The following MMP28 variants were observed in gnomAD, a reference collection of about 807,000 sequenced individuals.
MMP28 encodes the protein matrix metalloproteinase-28.
MMP28 carries 55 observed loss-of-function variants against 60.5 expected under a neutral mutation model. The ratio of observed to expected loss-of-function variants is 0.91; its 90% CI spans 0.73 to 1.14. The LOEUF is 1.14. MMP28 is among the 50% of genes most tolerant of loss of function. The pLI is 0.00. For synonymous variants in MMP28, 318 were observed against 312.5 expected (o/e 1.02, Z -0.18); for missense variants, 686 against 738.3 (o/e 0.93, Z 0.82).
intron 1 of MMP28, among the ~76,000 whole-genome samples, chr17:35,785,592 C>T (rs1255395913): frequency 3.9e-5 from 6 of 152,034 alleles, no homozygotes; most frequent in Admixed American, 1.3e-4. Context: ...GGACTACAGG[C>T]GCCCACCACC....
At chr17:35,783,906 A>G (rs2047880055) in intron 1 of MMP28, among the ~76,000 whole-genome samples, 2 of 152,184 alleles carry the variant, frequency 1.3e-5, no homozygotes, top group Admixed American at 1.3e-4. Flanking sequence ...CAGAATGAGC[A>G]TGTGCCCGGG....
rs899682785 is a variant in MMP28, at chr17:35,770,089, C to A, written c.828G>T (p.Val276=). 37 of 1,592,348 alleles carry A rather than the reference C, an allele frequency of 2.3e-5. No individual in the cohort carries two copies. The highest frequency in any genetic ancestry group is 3.2e-5 in the Non-Finnish European group (37 of 1,170,222). The part of the protein sequence containing the change: ...GRDALLSWDD[V]LAVQSLYGKP... The stretch of plus-strand genomic sequence containing the variant: ...CACCATACAGGCTCTGCACGGCCAG[C>A]ACGTCGTCCCAGCTGAGCAGCGCGT... The change falls in exon 5 of 8, where the codon GTG becomes GTT. Residue 276 remains valine (V), a synonymous_variant. Transcript: ENST00000605424.
chr17:35,781,981 C>T (rs2086516831), intron 1 of MMP28, among the ~76,000 whole-genome samples: 1 of 151,984 alleles, frequency 6.6e-6, no homozygotes, highest in Admixed American at 6.6e-5. Context: ...AGGTGACCCT[C>T]CTATAGCCTC....
intron 6 of MMP28, 57 bp downstream of exon 6, chr17:35,768,173 G>A: frequency 2.0e-6 from 3 of 1,531,710 alleles, no homozygotes; most frequent in Non-Finnish European, 2.6e-6. Context: ...CAGCTCTGGA[G>A]ACACTAAGAG....
rs1216326392 is a variant in MMP28, at chr17:35,771,720, TATATATATATATATA to T, written c.605-1423_605-1409del. ...GAATATATATATATATATATATATATATATATATATATATATATATATATATATATATATAAAATT... is the reference window on the plus strand; with the variant it reads ...GAATATATATATATATATATATATATTATATATATATATATATATAAAATT... On this transcript the variant is annotated intron_variant, in intron 4 of 7. Coordinates refer to ENST00000605424, the MANE Select transcript of MMP28 (RefSeq NM_024302.5). Among the ~76,000 whole-genome samples, 2 of 51,592 alleles carry T rather than the reference TATATATATATATATA, an allele frequency of 3.9e-5. 1 individual carries two copies. The highest frequency in any genetic ancestry group is 8.3e-5 in the Non-Finnish European group (2 of 24,122). The allele number at this position is 51,592 out of a possible 152,430, so 33.8% of individuals were successfully genotyped here.
intron 1 of MMP28, among the ~76,000 whole-genome samples, chr17:35,793,773 G>A (rs552132527): frequency 6.6e-6 from 1 of 152,286 alleles, no homozygotes; most frequent in South Asian, 2.1e-4. Flanking sequence ...AGAGTCTCAG[G>A]GCAGAGCATT....
chr17:35,764,638 T>G (rs782271390), downstream of MMP28: 1 of 1,552,718 alleles, frequency 6.4e-7, no homozygotes, highest in South Asian at 1.2e-5. Flanking sequence ...CTCCCAGCCT[T>G]TGTGCCCTCC....
At position 35,773,354 on chromosome 17, in the gene MMP28, C is replaced by A. The variant is rs771193067; in HGVS notation, c.430G>T (p.Glu144Ter). 5.6e-6 allele frequency: 9 copies of A among 1,611,544 alleles called. No homozygotes were observed. The Admixed American group carries it at 1.2e-4, about 21-fold the overall frequency. Residue 144 changes from glutamate (E) to a stop codon, truncating the protein, a stop_gained, in exon 4 of 8, where the codon GAG becomes TAG. Coordinates refer to ENST00000605424, the MANE Select transcript of MMP28 (RefSeq NM_024302.5). LOFTEE classifies it high-confidence loss of function. ...HLSYRLVNWP[E>*]HLPEPAVRGA... ...CGAACTGCCGGCTCCGGCAGATGCT[C>A]AGGCCAGTTCACCAGGCGGTAGGAG...
chr17:35,761,078 C>T, downstream of MMP28: 1 of 1,073,004 alleles, frequency 9.3e-7, no homozygotes, highest in Non-Finnish European at 1.3e-6. Flanking sequence ...AGCTGCAAGC[C>T]CTCTCCTTTC....
chr17:35,762,846 C>T (rs2085848054), downstream of MMP28, among the ~76,000 whole-genome samples: 1 of 152,010 alleles, frequency 6.6e-6, no homozygotes, highest in Non-Finnish European at 1.5e-5. Context: ...GGATCAGTGG[C>T]CAGGCGCGGT....
intron 1 of MMP28, among the ~76,000 whole-genome samples, chr17:35,792,249 G>A (rs1409081816): frequency 1.3e-5 from 2 of 152,084 alleles, no homozygotes; most frequent in African/African-American, 2.4e-5. Flanking sequence ...CTAGCCAATG[G>A]AGTGCAGTAG....
At chr17:35,794,203 T>C (rs1224291823) in intron 1 of MMP28, among the ~76,000 whole-genome samples, 1 of 151,944 alleles carries the variant, frequency 6.6e-6, no homozygotes, top group East Asian at 1.9e-4. Flanking sequence ...ACATGCTTCT[T>C]TGGGGGAGGA....
At chr17:35,784,682 G>C (rs556097014) in intron 1 of MMP28, among the ~76,000 whole-genome samples, 120 of 152,282 alleles carry the variant, frequency 7.9e-4, no homozygotes, top group Non-Finnish European at 1.3e-3. Flanking sequence ...GGGAGGTGGA[G>C]CTCCAGTTCT....
At chr17:35,768,580 G>A (rs2086019155) in intron 5 of MMP28, among the ~76,000 whole-genome samples, 1 of 152,184 alleles carries the variant, frequency 6.6e-6, no homozygotes, top group African/African-American at 2.4e-5. Context: ...GGGAGACCGA[G>A]GCAGGCAGTT....
chr17:35,776,541 C>G (rs142678374), intron 3 of MMP28, among the ~76,000 whole-genome samples: 2 of 152,286 alleles, frequency 1.3e-5, no homozygotes, highest in East Asian at 3.9e-4. Context: ...TCAAATTTAA[C>G]TGGGCATCCT....
chr17:35,783,072 C>T (rs1305582997), intron 1 of MMP28, among the ~76,000 whole-genome samples: 6 of 152,078 alleles, frequency 3.9e-5, no homozygotes, highest in African/African-American at 7.2e-5. Context: ...GTGATCCCCC[C>T]GCCTCAGCCT....
chr17:35,787,653 C>T (rs2086690627), intron 1 of MMP28, among the ~76,000 whole-genome samples: 1 of 152,070 alleles, frequency 6.6e-6, no homozygotes, highest in African/African-American at 2.4e-5. Context: ...CCATGCCCGG[C>T]TAATTTCGTA....
intron 1 of MMP28, among the ~76,000 whole-genome samples, chr17:35,788,680 C>T (rs568601006): frequency 6.6e-6 from 1 of 152,154 alleles, no homozygotes; most frequent in Admixed American, 6.5e-5. Flanking sequence ...CACAGAAGCT[C>T]CAGTGTCTCC....
intron 5 of MMP28, among the ~76,000 whole-genome samples, chr17:35,769,353 C>T (rs2086047467): frequency 6.6e-6 from 1 of 152,224 alleles, no homozygotes; most frequent in Non-Finnish European, 1.5e-5. Flanking sequence ...ACAGCCCTGT[C>T]AGGTAAGCAG....
Sources: allele counts gnomAD v4.1 joint callset (sites outside exome capture counted in the v4.1 genomes callset), GRCh38; gene constraint gnomAD v4.1.1; transcripts MANE v1.5; gene names NCBI Gene and HGNC (gene_info 2026-07-23, HGNC 2026-07-21).